Variants in UNC13B observed in about 807,000 individuals in gnomAD.
The protein encoded by UNC13B is unc-13 homolog B, also known as protein unc-13 homolog B.
In UNC13B, 144 loss-of-function variants were observed where a neutral mutation model predicts 211.0. The ratio of observed to expected loss-of-function variants is 0.68; its 90% CI spans 0.60 to 0.78. The LOEUF (loss-of-function observed/expected upper bound fraction) is 0.78, where lower values mean the gene tolerates loss of function less well. Among genes scored for constraint, UNC13B ranks in the 30% least tolerant of loss-of-function variants. The probability of loss-of-function intolerance (pLI) is 0.00; values close to 1 mark genes in which losing one functional copy is unlikely to be tolerated. For missense variants in UNC13B, 1,777 were observed against 2,002.0 expected, an observed-to-expected ratio of 0.89 and a Z score of 2.14; for synonymous variants, 709 against 725.8, an observed-to-expected ratio of 0.98 and a Z score of 0.37.
chr9:35,314,114 A>G, intron 11 of UNC13B, 125 bp downstream of exon 11: 2 of 783,070 alleles, frequency 2.6e-6, no homozygotes, highest in South Asian at 1.5e-5. Context: ...ATGCATGACA[A>G]TTAAGCCAGA....
intron 11 of UNC13B, among the ~76,000 whole-genome samples, chr9:35,333,535 C>A (rs1225772605): frequency 1.3e-5 from 2 of 152,230 alleles, no homozygotes; most frequent in African/African-American, 4.8e-5. Context: ...ATATCCTTTT[C>A]TTTCCAACGC....
chr9:35,179,119 C>T lies in UNC13B; in HGVS notation c.22+16814C>T, dbSNP rs567039910. 9.2e-5 allele frequency among the ~76,000 whole-genome samples: 14 copies of T among 152,194 alleles called. No homozygotes were observed. In the South Asian group the frequency reaches 1.2e-3, roughly 14 times the overall value. ...TTTACTTTTTTTGCTTTACTCTTAA[C>T]TATACAATACAATACCAAATTAATT... On this transcript the variant is annotated intron_variant, in intron 1 of 39. Transcript: ENST00000635942.
Position 35,403,793 on chromosome 9 carries a change from A to C in UNC13B, c.12783A>C (p.Ile4261=). The C allele has an allele frequency of 6.2e-7, 1 of 1,614,136 alleles. No homozygotes were observed. Among genetic ancestry groups the C allele is most frequent in the Non-Finnish European group, 8.5e-7 (1 of 1,180,016 alleles). The change falls in exon 40 of 40, where the codon ATA becomes ATC. Residue 4261 remains isoleucine, a synonymous_variant. Transcript: ENST00000635942. ...GGCCCGAGTCCTATGAGTTGCAGAT[A>C]TGCGTGAAGGATTACTGCTTTGCCC... ...EEGPESYELQ[I]CVKDYCFARE...
At chr9:35,340,534 C>T (rs1397689966) in intron 11 of UNC13B, among the ~76,000 whole-genome samples, 2 of 152,136 alleles carry the variant, frequency 1.3e-5, no homozygotes, top group Admixed American at 1.3e-4. Flanking sequence ...AGACTGACTA[C>T]CTGGTTTGTG....
At chr9:35,311,303 C>T (rs1300407870) in intron 10 of UNC13B, among the ~76,000 whole-genome samples, 2 of 152,198 alleles carry the variant, frequency 1.3e-5, no homozygotes, top group Non-Finnish European at 2.9e-5. Flanking sequence ...TAGTGAGCTG[C>T]AGTGTACCAG....
intron 11 of UNC13B, among the ~76,000 whole-genome samples, chr9:35,347,363 A>G (rs1832424334): frequency 1.3e-5 from 2 of 152,196 alleles, no homozygotes; most frequent in Non-Finnish European, 1.5e-5. Flanking sequence ...TGGAGATCAA[A>G]TGGTCCTTCT....
rs1835973394 is a variant in UNC13B, at chr9:35,397,639, T to C, written c.11681T>C (p.Ile3894Thr). 1 of 1,613,312 alleles carries C rather than the reference T, an allele frequency of 6.2e-7. No homozygotes were observed. Among genetic ancestry groups the C allele is most frequent in the African/African-American group, 1.3e-5 (1 of 74,918 alleles). Reference protein sequence around the residue: ...AHYMRRFAKTIGKVLMQYADI... With the variant: ...AHYMRRFAKTTGKVLMQYADI... The stretch of plus-strand genomic sequence containing the variant: ...TTTCCTTTCTCCTCTTCTCAGACCA[T>C]CGGGAAGGTGCTGATGCAGTATGCA... The change falls in exon 30 of 40, where the codon ATC becomes ACC. Residue 3894 changes from isoleucine (I) to threonine (T), a missense_variant. Ile to Thr is a moderately conservative substitution (Grantham distance 89). Coordinates refer to ENST00000635942, the MANE Select transcript of UNC13B (RefSeq NM_001371189.2).
Position 35,396,543 on chromosome 9 carries a change from C to T in UNC13B, c.11376C>T (p.Leu3792=). 1 of 1,614,086 alleles carries T rather than the reference C, an allele frequency of 6.2e-7. No individual in the cohort carries two copies. The highest frequency in any genetic ancestry group is 8.5e-7 in the Non-Finnish European group (1 of 1,180,026). ...ACCTGCACTTCAAGGTGAAGTGGCT[C>T]CACAATGAATACGTGCGGGATCTGC... ...YMNLHFKVKW[L]HNEYVRDLPV... Residue 3792 remains leucine, a synonymous_variant, in exon 27 of 40, where the codon CTC becomes CTT. Coordinates refer to ENST00000635942, the MANE Select transcript of UNC13B (RefSeq NM_001371189.2).
At chr9:35,191,111 C>G (rs1024227924) in intron 1 of UNC13B, among the ~76,000 whole-genome samples, 4 of 152,096 alleles carry the variant, frequency 2.6e-5, no homozygotes, top group African/African-American at 9.7e-5. Context: ...AGGTGCCAGC[C>G]ACCACACCCA....
chr9:35,248,116 T>C (rs1306350332), intron 6 of UNC13B, among the ~76,000 whole-genome samples: 2 of 152,260 alleles, frequency 1.3e-5, no homozygotes, highest in Non-Finnish European at 2.9e-5. Context: ...TATCCTTTTC[T>C]TCTAGATTTT....
At chr9:35,362,159 TG>T (rs1833459173) in intron 11 of UNC13B, 1 of 152,124 alleles carries the variant, frequency 6.6e-6, no homozygotes, top group Non-Finnish European at 1.5e-5. Flanking sequence ...AGTTAAGAGA[TG>T]ATAGTGGCAG....
At chr9:35,199,356 C>A (rs577973013) in intron 1 of UNC13B, among the ~76,000 whole-genome samples, 1 of 152,042 alleles carries the variant, frequency 6.6e-6, no homozygotes, top group African/African-American at 2.4e-5. Context: ...GGGTATATGC[C>A]GAGTAATGGG....
At chr9:35,314,035 A>T in intron 11 of UNC13B, 46 bp downstream of exon 11, 1 of 1,474,094 alleles carries the variant, frequency 6.8e-7, no homozygotes. Flanking sequence ...TTTCCTTTGA[A>T]ATTGGGAGAC....
Position 35,291,056 on chromosome 9 carries a change from G to A in UNC13B, c.527-4640G>A, listed in dbSNP as rs756253330. On this transcript the variant is annotated intron_variant, in intron 7 of 39. Transcript: ENST00000635942. ...TTCAAAAATTATCTGCTGCTTCTTT[G>A]TGGTTTTCTTAGGTCACTGGACCTA... 3.9e-6 allele frequency: 6 copies of A among 1,549,976 alleles called. No individual in the cohort carries two copies. In the South Asian group the frequency reaches 7.2e-5, roughly 18 times the overall value.
In UNC13B at chr9:35,385,471, A is replaced by G; in HGVS notation, c.10876-253A>G. The stretch of plus-strand genomic sequence containing the variant: ...CTTTGTACAAGTGCTTATACATTGC[A>G]TGGGAAGTAGGGCTGGAGGAGGATG... On this transcript the variant is annotated intron_variant, in intron 22 of 39. Transcript: ENST00000635942. The G allele has an allele frequency of 3.0e-6, 3 of 985,432 alleles. No homozygotes were observed. The Middle Eastern group carries it at 1.6e-3, about 515-fold the overall frequency. The allele number at this position is 985,432 out of a possible 1,614,324, so 61.0% of individuals were successfully genotyped here.
At chr9:35,287,493 C>T (rs1312558877) in intron 7 of UNC13B, among the ~76,000 whole-genome samples, 2 of 152,170 alleles carry the variant, frequency 1.3e-5, no homozygotes, top group African/African-American at 4.8e-5. Context: ...CTCACTGACG[C>T]TTTGGATTGT....
intron 1 of UNC13B, among the ~76,000 whole-genome samples, chr9:35,196,299 T>C (rs956205162): frequency 1.3e-5 from 2 of 152,220 alleles, no homozygotes; most frequent in African/African-American, 4.8e-5. Context: ...AGTGCCACAA[T>C]GTTTGGAAAT....
intron 2 of UNC13B, among the ~76,000 whole-genome samples, chr9:35,230,589 T>C (rs1014339530): frequency 6.6e-6 from 1 of 152,194 alleles, no homozygotes; most frequent in African/African-American, 2.4e-5. Flanking sequence ...TTTTTGTCCC[T>C]GTTAACAGCT....
rs369099777 is a variant in UNC13B at position 35,209,501 on chromosome 9, C to A, written c.23-18514C>A. Among the ~76,000 whole-genome samples, 116 of 152,262 alleles carry A rather than the reference C, an allele frequency of 7.6e-4. 2 individuals are homozygous for A. The South Asian group carries it at 0.019, about 25-fold the overall frequency. ...CAAGCAATTCTCCTGCCTCAGCCTC[C>A]TAAGCAGCTGGAGTTACAAGTGCGC... On this transcript the variant is annotated intron_variant, in intron 1 of 39. Coordinates refer to ENST00000635942, the MANE Select transcript of UNC13B (RefSeq NM_001371189.2).
Sources: gnomAD v4.1 joint callset for allele counts (sites outside exome capture counted in the v4.1 genomes callset) on GRCh38, gnomAD v4.1.1 for gene constraint, MANE v1.5 for transcripts, NCBI Gene and HGNC (gene_info 2026-07-23, HGNC 2026-07-21) for gene names.